PLK1: variants seen among roughly 807,000 people sequenced by gnomAD.
The protein encoded by PLK1 is polo like kinase 1.
A neutral mutation model predicts 56.7 loss-of-function variants in PLK1; 6 were observed. That is an observed-to-expected ratio of 0.11 (90% CI 0.06 to 0.21). The LOEUF is 0.21. Ranked by LOEUF, PLK1 falls within the 10% of genes least tolerant of loss-of-function variation. The pLI is 1.00. For missense variants in PLK1, 546 were observed against 814.4 expected (o/e 0.67, Z 4.01); for synonymous variants, 298 against 325.0 (o/e 0.92, Z 0.89).
rs113553976 is a variant in PLK1 at position 23,678,898 on chromosome 16, G to T, written c.-35G>T. 0.032 allele frequency: 46,194 copies of T among 1,460,142 alleles called. 854 individuals are homozygous for T. The highest frequency in any genetic ancestry group is 0.052 in the Middle Eastern group (212 of 4,106). The allele number at this position is 1,460,142 out of a possible 1,614,324, so 90.4% of individuals were successfully genotyped here. On this transcript the variant is annotated 5_prime_UTR_variant, in exon 1 of 10. Coordinates refer to ENST00000300093, the MANE Select transcript of PLK1 (RefSeq NM_005030.6). ...AGGAGCGGAGCGGTGCGGAGGCTCT[G>T]CTCGGATCGAGGTCTGCAGCGCAGC... is the stretch of plus-strand genomic sequence containing the variant.
Position 23,689,724 on chromosome 16 carries a change from C to A in PLK1, c.1608+48C>A. 1 of 1,565,578 alleles carries A rather than the reference C, an allele frequency of 6.4e-7. No individual in the cohort carries two copies. The highest frequency in any genetic ancestry group is 8.7e-7 in the Non-Finnish European group (1 of 1,150,166). On this transcript the variant is annotated intron_variant, in intron 9 of 9. Transcript: ENST00000300093. The surrounding 1 kb of genome is among the most constrained non-coding windows in gnomAD (Gnocchi z 4.8). ...CAGGAGAGAGCTGGGGTAGGCTCCG[C>A]ATGCCTGGCAGTGGCCCATGTGGGT...
chr16:23,689,224 C>T lies in PLK1; in HGVS notation c.1271-14C>T. 6.3e-7 allele frequency: 1 copy of T among 1,597,914 alleles called. No individual in the cohort carries two copies. Among genetic ancestry groups the T allele is most frequent in the East Asian group, 2.3e-5 (1 of 44,374 alleles). On this transcript the variant is annotated splice_polypyrimidine_tract_variant and intron_variant, in intron 7 of 9. Transcript: ENST00000300093. The surrounding 1 kb of genome is among the most constrained non-coding windows in gnomAD (Gnocchi z 4.8). ...TATTCCCCCTTTCTGAGACCTCTCT[C>T]CACCGATCCCTAGGGTATCAGCTCT...
At chr16:23,686,845 C>T (rs1361657047) in intron 5 of PLK1, among the ~76,000 whole-genome samples, 1 of 152,034 alleles carries the variant, frequency 6.6e-6, no homozygotes, top group Admixed American at 6.6e-5. Context: ...TACCCAAGTC[C>T]CTATCATGAC....
intron 6 of PLK1, among the ~76,000 whole-genome samples, chr16:23,688,316 C>T (rs1191577196): frequency 1.3e-5 from 2 of 152,242 alleles, no homozygotes; most frequent in African/African-American, 4.8e-5. Context: ...TTTGCCCCTA[C>T]AACCACAGTG....
chr16:23,689,225 C>T lies in PLK1; in HGVS notation c.1271-13C>T, dbSNP rs748021874. ...ATTCCCCCTTTCTGAGACCTCTCTC[C>T]ACCGATCCCTAGGGTATCAGCTCTG... On this transcript the variant is annotated splice_polypyrimidine_tract_variant and intron_variant, in intron 7 of 9. Transcript: ENST00000300093. This position sits in a 1 kb window ranked among gnomAD's most constrained non-coding sequence, Gnocchi z 4.8. The T allele has an allele frequency of 6.3e-7, 1 of 1,597,806 alleles. No individual in the cohort carries two copies. Among genetic ancestry groups the T allele is most frequent in the African/African-American group, 1.3e-5 (1 of 74,626 alleles).
At chr16:23,681,433 T>TTATAGG (rs1959329597) in intron 3 of PLK1, among the ~76,000 whole-genome samples, 1 of 152,204 alleles carries the variant, frequency 6.6e-6, no homozygotes, top group Non-Finnish European at 1.5e-5. Flanking sequence ...CCCTTGGTGA[T>TTATAGG]TCCCTTGCAC....
At chr16:23,683,748 C>T in intron 4 of PLK1, 122 bp from the exon 5 acceptor site, 1 of 760,364 alleles carries the variant, frequency 1.3e-6, no homozygotes, top group Non-Finnish European at 2.3e-6. Flanking sequence ...GAACCACTGA[C>T]CTGTGGTGTA....
chr16:23,689,825 T>TG lies in PLK1; in HGVS notation c.1609-32dup, dbSNP rs758882098. On this transcript the variant is annotated intron_variant, in intron 9 of 9. Transcript: ENST00000300093. This position sits in a 1 kb window ranked among gnomAD's most constrained non-coding sequence, Gnocchi z 4.8. ...CTACTCCCTAACATACACTGGCCTC[T>TG]GGGATCGCCAACCCCTGCTGCTCTT... 3 of 1,593,776 alleles carry TG rather than the reference T, an allele frequency of 1.9e-6. No individual in the cohort carries two copies. The East Asian group carries it at 6.7e-5, about 36-fold the overall frequency.
At chr16:23,688,518 T>C (rs1327185770) in intron 6 of PLK1, 150 bp from the exon 7 acceptor site, 5 of 667,474 alleles carry the variant, frequency 7.5e-6, no homozygotes, top group Non-Finnish European at 1.4e-5. Flanking sequence ...GAGGCCCTGC[T>C]TTGCTCTTCT....
rs184851025 is a variant in PLK1, at chr16:23,689,496, C to G, written c.1428C>G (p.Ile476Met). 2 of 1,607,480 alleles carry G rather than the reference C, an allele frequency of 1.2e-6. No homozygotes were observed. The highest frequency in any genetic ancestry group is 3.3e-5 in the Admixed American group (2 of 59,916). Residue 476 changes from isoleucine to methionine, a missense_variant and splice_region_variant, in exon 9 of 10, where the codon ATC becomes ATG. Around this residue, in one of 7 missense-constraint regions of PLK1, gnomAD observed 113 missense variants for 202.0 expected, o/e 0.56. Coordinates refer to ENST00000300093, the MANE Select transcript of PLK1 (RefSeq NM_005030.6). The surrounding 1 kb of genome is among the most constrained non-coding windows in gnomAD (Gnocchi z 4.8). ...CCCCTTACCTACTTTTCATCCAGAT[C>G]ACCCTCCTTAAATATTTCCGCAATT... ...SSHPNSLMKK[I>M]TLLKYFRNYM...
At chr16:23,684,957 CTTTTTTTTTTTTTTTTTTTTTTTTTTTTT>C (rs71154221) in intron 5 of PLK1, among the ~76,000 whole-genome samples, 1 of 56,892 alleles carries the variant, frequency 1.8e-5, no homozygotes, top group Non-Finnish European at 3.3e-5. Flanking sequence ...CAGGCCCGGC[CTTTTTTTTTTTTTTTTTTTTTTTTTTTTT>C]TTTTTTTTTT....
chr16:23,687,251 G>A (rs1470325747), intron 5 of PLK1: 3 of 347,460 alleles, frequency 8.6e-6, no homozygotes, highest in East Asian at 4.6e-5. Context: ...GGGCCACACC[G>A]TTGGGTCAGA....
chr16:23,679,715 G>C lies in PLK1; in HGVS notation c.409-369G>C, dbSNP rs138974428. ...CTTCTGGGGTGGAGCTGGGTCAGTG[G>C]GGGGGTAGTTGGAGCCAGACTTCGG... On this transcript the variant is annotated intron_variant, in intron 1 of 9. Transcript: ENST00000300093. 3.0e-3 allele frequency: 839 copies of C among 278,728 alleles called. 5 individuals carry two copies. The highest frequency in any genetic ancestry group is 4.5e-3 in the Non-Finnish European group (665 of 148,016). The allele number at this position is 278,728 out of a possible 1,614,324, so 17.3% of individuals were successfully genotyped here. A position where few individuals can be genotyped will look rare whatever the true frequency, so the allele number is the denominator to read the frequency against.
At chr16:23,682,522 A>ATCT (rs1959347743) in intron 4 of PLK1, among the ~76,000 whole-genome samples, 1 of 138,822 alleles carries the variant, frequency 7.2e-6, no homozygotes, top group South Asian at 2.3e-4. Context: ...AATGGCCTGC[A>ATCT]TCTTTTTTTT....
At position 23,689,888 on chromosome 16, in the gene PLK1, T is replaced by G; in HGVS notation, c.1637T>G (p.Leu546Arg). The stretch of plus-strand genomic sequence containing the variant: ...CACACCAAGCTCATCTTGTGCCCAC[T>G]GATGGCAGCCGTGACCTACATCGAC... ...QDHTKLILCPLMAAVTYIDEK... is the reference protein window; with the variant it reads ...QDHTKLILCPRMAAVTYIDEK... The change falls in exon 10 of 10, where the codon CTG becomes CGG. Residue 546 changes from leucine (L) to arginine (R), a missense_variant. Transcript: ENST00000300093. This position sits in a 1 kb window ranked among gnomAD's most constrained non-coding sequence, Gnocchi z 4.8. 6.2e-7 allele frequency: 1 copy of G among 1,614,118 alleles called. No individual in the cohort carries two copies. The highest frequency in any genetic ancestry group is 1.1e-5 in the South Asian group (1 of 91,080).
At chr16:23,685,412 A>C (rs190364) in intron 5 of PLK1, among the ~76,000 whole-genome samples, 2 of 152,192 alleles carry the variant, frequency 1.3e-5, no homozygotes, top group East Asian at 3.9e-4. Flanking sequence ...CAGAGTAGCT[A>C]GGACTACAGG....
intron 5 of PLK1, among the ~76,000 whole-genome samples, chr16:23,685,962 GT>G (rs1448431685): frequency 6.6e-6 from 1 of 152,006 alleles, no homozygotes; most frequent in Non-Finnish European, 1.5e-5. Flanking sequence ...TATTTATTTG[GT>G]TATGTCTGAA....
intron 5 of PLK1, among the ~76,000 whole-genome samples, chr16:23,685,553 A>G (rs193885): frequency 1.3e-5 from 2 of 152,098 alleles, no homozygotes; most frequent in Non-Finnish European, 2.9e-5. Flanking sequence ...CTAAAAATAC[A>G]AAAGACTAGC....
intron 6 of PLK1, 168 bp downstream of exon 6, chr16:23,687,792 C>T (rs769188548): frequency 8.2e-5 from 35 of 428,942 alleles, no homozygotes; most frequent in Non-Finnish European, 9.6e-5. Flanking sequence ...TGGCTCCTGC[C>T]GCCTTTTCTG....
Sources: allele counts gnomAD v4.1 joint callset (sites outside exome capture counted in the v4.1 genomes callset), GRCh38; gene constraint gnomAD v4.1.1; regional missense constraint gnomAD v4.1.1; non-coding constraint Gnocchi (gnomAD v3.1); transcripts MANE v1.5; gene names NCBI Gene and HGNC (gene_info 2026-07-23, HGNC 2026-07-21).